The following TSHZ2 variants were observed in gnomAD, a reference collection of about 807,000 sequenced individuals.
TSHZ2 encodes teashirt homolog 2.
In TSHZ2, 21 loss-of-function variants were observed where a neutral mutation model predicts 74.4. The observed-to-expected ratio is 0.28, with a 90% confidence interval of 0.20 to 0.41. TSHZ2 has a LOEUF of 0.41. Among genes scored for constraint, TSHZ2 ranks in the 10% least tolerant of loss-of-function variants. The pLI is 1.00. For synonymous variants in TSHZ2, 540 were observed against 515.3 expected, an observed-to-expected ratio of 1.05 and a Z score of -0.65; for missense variants, 1,244 against 1,293.5, an observed-to-expected ratio of 0.96 and a Z score of 0.59.
chr20:53,481,041 T>C (rs1191446549), intron 2 of TSHZ2, among the ~76,000 whole-genome samples: 2 of 68,202 alleles, frequency 2.9e-5, no homozygotes, highest in Non-Finnish European at 5.7e-5. Context: ...CTCAATATAT[T>C]AGAAAAAAAA....
chr20:53,159,765 T>A (rs1348851819), intron 1 of TSHZ2, among the ~76,000 whole-genome samples: 1 of 152,194 alleles, frequency 6.6e-6, no homozygotes, highest in Non-Finnish European at 1.5e-5. Flanking sequence ...GACAGTAAAT[T>A]TATTCATTCA....
intron 2 of TSHZ2, among the ~76,000 whole-genome samples, chr20:53,405,444 A>T (rs1324411889): frequency 6.6e-6 from 1 of 151,888 alleles, no homozygotes; most frequent in Non-Finnish European, 1.5e-5. Context: ...TAGAAAACGA[A>T]CTCCTTTGCT....
intron 2 of TSHZ2, among the ~76,000 whole-genome samples, chr20:53,356,835 TG>T (rs1439050583): frequency 6.6e-6 from 1 of 151,706 alleles, no homozygotes; most frequent in African/African-American, 2.4e-5. Context: ...GATAAAGGGT[TG>T]CATTGGCAAC....
intron 1 of TSHZ2, among the ~76,000 whole-genome samples, chr20:53,197,797 G>T (rs892880033): frequency 2.0e-4 from 30 of 152,136 alleles, no homozygotes; most frequent in Non-Finnish European, 3.7e-4. Flanking sequence ...CCTTTAATTG[G>T]CTGTTCCTTT....
chr20:53,043,465 A>C (rs1037475326), intron 1 of TSHZ2, among the ~76,000 whole-genome samples: 1 of 152,130 alleles, frequency 6.6e-6, no homozygotes, highest in African/African-American at 2.4e-5. Context: ...CCAAAATGCC[A>C]ATAGCACCAA....
At chr20:53,268,450 A>G (rs557387293) in intron 2 of TSHZ2, among the ~76,000 whole-genome samples, 2 of 152,256 alleles carry the variant, frequency 1.3e-5, no homozygotes, top group African/African-American at 4.8e-5. Context: ...AGGAGGAGAA[A>G]AGACTGCCTA....
At chr20:53,322,535 A>G (rs923418130) in intron 2 of TSHZ2, among the ~76,000 whole-genome samples, 2 of 152,032 alleles carry the variant, frequency 1.3e-5, no homozygotes, top group Admixed American at 6.5e-5. Flanking sequence ...GAAAAAAAAA[A>G]CATGACTTTA....
At chr20:53,238,047 A>T (rs985446513) in intron 1 of TSHZ2, among the ~76,000 whole-genome samples, 2 of 152,260 alleles carry the variant, frequency 1.3e-5, no homozygotes, top group South Asian at 2.1e-4. Flanking sequence ...GAAATAGGGT[A>T]TTCTTACTAA....
At chr20:53,035,065 G>A (rs1046094606) in intron 1 of TSHZ2, among the ~76,000 whole-genome samples, 1 of 152,152 alleles carries the variant, frequency 6.6e-6, no homozygotes, top group Non-Finnish European at 1.5e-5. Flanking sequence ...AGGCATGAAC[G>A]ACTTAGGACG....
chr20:53,147,994 G>A (rs537609402), intron 1 of TSHZ2, among the ~76,000 whole-genome samples: 20 of 152,332 alleles, frequency 1.3e-4, no homozygotes, highest in East Asian at 3.9e-4. Context: ...GATTACAGGC[G>A]TGAGCCACCA....
intron 2 of TSHZ2, among the ~76,000 whole-genome samples, chr20:53,429,929 C>T (rs918939304): frequency 6.6e-6 from 1 of 152,148 alleles, no homozygotes; most frequent in Non-Finnish European, 1.5e-5. Flanking sequence ...CAGGATGTAG[C>T]AGTATCCTTG....
At chr20:53,138,181 G>A (rs1200632765) in intron 1 of TSHZ2, among the ~76,000 whole-genome samples, 2 of 152,020 alleles carry the variant, frequency 1.3e-5, no homozygotes, top group Non-Finnish European at 2.9e-5. Flanking sequence ...AGGAGATCGC[G>A]ACCATCCTGG....
At position 53,494,330 on chromosome 20, in the gene TSHZ2, T is replaced by C. The variant is rs1986525663; in HGVS notation, c.*7195T>C. 6.6e-6 allele frequency: 1 copy of C among 152,020 alleles called. No individual in the cohort carries two copies. 9.4% of individuals were successfully genotyped at this position (152,020 alleles called of 1,614,324 possible). A position where few individuals can be genotyped will look rare whatever the true frequency, so the allele number is the denominator to read the frequency against. On this transcript the variant is annotated 3_prime_UTR_variant, in exon 3 of 3. Transcript: ENST00000371497. ...TGGATTTTCAGAAAAAGTGCTCCCTTTCCTGTCCTGTGGTGCCACCATCCT... is the reference window on the plus strand; with the variant it reads ...TGGATTTTCAGAAAAAGTGCTCCCTCTCCTGTCCTGTGGTGCCACCATCCT...
chr20:53,445,248 G>T (rs2145767156), intron 2 of TSHZ2, among the ~76,000 whole-genome samples: 1 of 152,220 alleles, frequency 6.6e-6, no homozygotes, highest in Middle Eastern at 3.4e-3. Flanking sequence ...GATTCATATT[G>T]GGTGCTCTTT....
chr20:53,212,982 AG>A (rs1989349626), intron 1 of TSHZ2, among the ~76,000 whole-genome samples: 1 of 152,104 alleles, frequency 6.6e-6, no homozygotes, highest in Non-Finnish European at 1.5e-5. Flanking sequence ...AAAAGTAAGG[AG>A]GGGGATCCAC....
intron 2 of TSHZ2, among the ~76,000 whole-genome samples, chr20:53,307,813 A>C (rs761317760): frequency 1.1e-3 from 162 of 149,316 alleles, no homozygotes; most frequent in Non-Finnish European, 6.2e-4. Context: ...AGGTGATTCT[A>C]ATGTGATCTG....
intron 1 of TSHZ2, among the ~76,000 whole-genome samples, chr20:52,977,867 C>G (rs1173410608): frequency 6.6e-6 from 1 of 152,184 alleles, no homozygotes; most frequent in African/African-American, 2.4e-5. Context: ...AAAATCTTCT[C>G]TGAGGCTTAA....
At chr20:53,051,511 C>T (rs1984469220) in intron 1 of TSHZ2, among the ~76,000 whole-genome samples, 1 of 146,298 alleles carries the variant, frequency 6.8e-6, no homozygotes, top group Non-Finnish European at 1.5e-5. Context: ...GGTGGATTTG[C>T]ACTGGAGCCC....
At chr20:53,229,057 C>T (rs1229043197) in intron 1 of TSHZ2, among the ~76,000 whole-genome samples, 5 of 152,202 alleles carry the variant, frequency 3.3e-5, no homozygotes, top group Non-Finnish European at 7.3e-5. Context: ...TTTTAGAGTT[C>T]TCTGGAAACA....
Sources: gnomAD v4.1 joint callset for allele counts (sites outside exome capture counted in the v4.1 genomes callset) on GRCh38, gnomAD v4.1.1 for gene constraint, MANE v1.5 for transcripts, NCBI Gene and HGNC (gene_info 2026-07-23, HGNC 2026-07-21) for gene names.